CNTROB: variants seen among roughly 807,000 people sequenced by gnomAD.
CNTROB encodes the protein centrobin.
Under a neutral mutation model 115.7 loss-of-function variants are expected in CNTROB, and 82 were observed. That is an observed-to-expected ratio of 0.71 (90% confidence interval 0.59 to 0.85). The LOEUF (loss-of-function observed/expected upper bound fraction) is 0.85. CNTROB is among the 40% of genes least tolerant of loss of function. CNTROB has a pLI of 0.00. For missense variants in CNTROB, 1,014 were observed against 1,144.4 expected (o/e 0.89, Z 1.64); for synonymous variants, 439 against 456.4 (o/e 0.96, Z 0.49).
At position 7,933,083 on chromosome 17, in the gene CNTROB, G is replaced by A; in HGVS notation, c.4G>A (p.Ala2Thr). 4.3e-6 allele frequency: 7 copies of A among 1,613,558 alleles called. No homozygotes were observed. The highest frequency in any genetic ancestry group is 5.9e-6 in the Non-Finnish European group (7 of 1,179,798). ...CGGTTGTCTCTTCCCTGTATTCATG[G>A]CAACATCAGCTGACAGCCCCAGTTC... M[A>T]TSADSPSSPL... Residue 2 changes from alanine to threonine, a missense_variant, in exon 1 of 19, where the codon GCA becomes ACA. Transcript: ENST00000563694.
At chr17:7,934,341 C>G in intron 2 of CNTROB, 119 bp downstream of exon 2, 6 of 1,350,222 alleles carry the variant, frequency 4.4e-6, no homozygotes, top group Non-Finnish European at 6.4e-6. Flanking sequence ...AGAAAAGTCT[C>G]CCGTTCTTTG....
Position 7,936,769 on chromosome 17 carries a change from T to A in CNTROB, c.780T>A (p.Leu260=), listed in dbSNP as rs375449180. Residue 260 remains leucine (L), a synonymous_variant, in exon 6 of 19, where the codon CTT becomes CTA. Coordinates refer to ENST00000563694, the MANE Select transcript of CNTROB (RefSeq NM_053051.5). ...EAERTEVLRG[L]QEEHQAAELT... ...AGCGGACAGAGGTTCTCAGGGGACT[T>A]CAAGAGGAACACCAGGCAGCAGAGC... 2 of 1,565,152 alleles carry A rather than the reference T, an allele frequency of 1.3e-6. No homozygotes were observed. The highest frequency in any genetic ancestry group is 1.8e-6 in the Non-Finnish European group (2 of 1,135,224).
At position 7,948,240 on chromosome 17, in the gene CNTROB, G is replaced by C; in HGVS notation, c.2293G>C (p.Ala765Pro). ...TGTCCACAAAACCAAAGTTCCCTTAGCCATGGCATCCAGTCTTTTCCGGGT... is the reference window on the plus strand; with the variant it reads ...TGTCCACAAAACCAAAGTTCCCTTACCCATGGCATCCAGTCTTTTCCGGGT... ...PPVHKTKVPL[A>P]MASSLFRVPE... Residue 765 changes from alanine to proline, a missense_variant, in exon 16 of 19, where the codon GCC becomes CCC. Physicochemically the swap from Ala to Pro is conservative, Grantham distance 27 (BLOSUM62 -1). Transcript: ENST00000563694. The surrounding 1 kb of genome is among the most constrained non-coding windows in gnomAD (Gnocchi z 4.4). The C allele has an allele frequency of 2.1e-5, 34 of 1,614,090 alleles. No homozygotes were observed. The highest frequency in any genetic ancestry group is 2.8e-5 in the Non-Finnish European group (33 of 1,180,036).
chr17:7,947,034 A>G (rs1167935792), intron 13 of CNTROB, among the ~76,000 whole-genome samples: 3 of 151,910 alleles, frequency 2.0e-5, no homozygotes, highest in East Asian at 1.9e-4. Context: ...GGTGGCAGGC[A>G]TCTGTAGTCC....
chr17:7,949,251 AC>A (rs1336566144), intron 18 of CNTROB, 94 bp downstream of exon 18: 3 of 1,565,858 alleles, frequency 1.9e-6, no homozygotes, highest in African/African-American at 1.4e-5. Context: ...CCTCCATTCC[AC>A]CCCTGCATTC....
chr17:7,943,493 C>T lies in CNTROB; in HGVS notation c.1414C>T (p.Arg472Trp), dbSNP rs372614861. The change falls in exon 10 of 19, where the codon CGG (arginine) becomes TGG (tryptophan). Residue 472 changes from arginine to tryptophan, a missense_variant. Coordinates refer to ENST00000563694, the MANE Select transcript of CNTROB (RefSeq NM_053051.5). The surrounding 1 kb of genome is among the most constrained non-coding windows in gnomAD (Gnocchi z 4.7). ...RLAQAQESSL[R>W]QAASLREHHR... ...GGCGCAGGCTCAGGAGAGCAGCCTA[C>T]GGCAAGCAGCCTCCCTCAGGGAACA... 43 of 1,613,414 alleles carry T rather than the reference C, an allele frequency of 2.7e-5. No homozygotes were observed. Among genetic ancestry groups the T allele is most frequent in the Middle Eastern group, 1.7e-4 (1 of 6,006 alleles).
Position 7,944,105 on chromosome 17 carries a change from C to T in CNTROB, c.1446-18C>T, listed in dbSNP as rs774211317. 6 of 1,600,728 alleles carry T rather than the reference C, an allele frequency of 3.7e-6. No homozygotes were observed. In the South Asian group the frequency reaches 5.5e-5, roughly 15 times the overall value. On this transcript the variant is annotated intron_variant, in intron 10 of 18. Transcript: ENST00000563694. The surrounding 1 kb of genome is among the most constrained non-coding windows in gnomAD (Gnocchi z 4.0). ...CTGTCTCCAGTCTCAGGCCTCTTCT[C>T]CTACCTGTGCCCTGTAGGAAGCAGC...
Position 7,943,578 on chromosome 17 carries a change from T to C in CNTROB, c.1445+54T>C, listed in dbSNP as rs1974171611. ...TCTCAGCCACAGCACGTATCGTTAG[T>C]GCCAGGCCTGTGTTCCCTTCAATCC... On this transcript the variant is annotated intron_variant, in intron 10 of 18. Transcript: ENST00000563694. The surrounding 1 kb of genome is among the most constrained non-coding windows in gnomAD (Gnocchi z 4.7). 6.4e-7 allele frequency: 1 copy of C among 1,564,962 alleles called. No individual in the cohort carries two copies. The highest frequency in any genetic ancestry group is 1.3e-5 in the African/African-American group (1 of 74,210).
At position 7,934,983 on chromosome 17, in the gene CNTROB, G is replaced by A; in HGVS notation, c.438-6G>A. On this transcript the variant is annotated splice_polypyrimidine_tract_variant and splice_region_variant and intron_variant, in intron 3 of 18. Transcript: ENST00000563694. ...AGCCCTAACATTCTCTACCTGATTTGCTCAGCACCCGGCCCCTGCAAGACT... is the reference window on the plus strand; with the variant it reads ...AGCCCTAACATTCTCTACCTGATTTACTCAGCACCCGGCCCCTGCAAGACT... 1.3e-6 allele frequency: 2 copies of A among 1,574,594 alleles called. No individual in the cohort carries two copies. Among genetic ancestry groups the A allele is most frequent in the Non-Finnish European group, 1.7e-6 (2 of 1,160,724 alleles).
chr17:7,936,229 C>T (rs1163370589), intron 4 of CNTROB, 137 bp from the exon 5 acceptor site: 1 of 669,482 alleles, frequency 1.5e-6, no homozygotes, highest in Non-Finnish European at 2.7e-6. Flanking sequence ...CCTGATTCTC[C>T]CTCTCCAGAC....
intron 6 of CNTROB, 46 bp downstream of exon 6, chr17:7,936,863 T>C: frequency 1.2e-6 from 1 of 863,460 alleles, no homozygotes; most frequent in Non-Finnish European, 2.0e-6. Context: ...GTCACAGATC[T>C]CAAGATGGAA....
chr17:7,949,230 C>T, intron 18 of CNTROB, 73 bp downstream of exon 18: 2 of 1,563,914 alleles, frequency 1.3e-6, no homozygotes, highest in Non-Finnish European at 1.8e-6. Flanking sequence ...TCTGCACACT[C>T]CTGGCTGGCC....
intron 5 of CNTROB, 37 bp downstream of exon 5, chr17:7,936,519 G>T: frequency 1.2e-6 from 1 of 852,416 alleles, no homozygotes; most frequent in East Asian, 2.4e-5. Flanking sequence ...GTCTCTCCAT[G>T]AAGAGCATTA....
rs1444937768 is a variant in CNTROB, at chr17:7,932,268, G to A, written c.-812G>A. The A allele has an allele frequency of 2.5e-5, 5 of 202,420 alleles. No homozygotes were observed. The East Asian group carries it at 5.3e-4, about 22-fold the overall frequency. 12.5% of individuals were successfully genotyped at this position (202,420 alleles called of 1,614,324 possible). ...GGGGAGGCGTGAGAGGGGGATCTCAGGGGAGGAGGTCAATCGCTTGCCCCC... is the reference window on the plus strand; with the variant it reads ...GGGGAGGCGTGAGAGGGGGATCTCAAGGGAGGAGGTCAATCGCTTGCCCCC... On this transcript the variant is annotated 5_prime_UTR_variant, in exon 1 of 19. Transcript: ENST00000563694.
In CNTROB at chr17:7,943,886, A is replaced by C. The variant is rs7209704; in HGVS notation, c.1446-237A>C. On this transcript the variant is annotated intron_variant, in intron 10 of 18. Coordinates refer to ENST00000563694, the MANE Select transcript of CNTROB (RefSeq NM_053051.5). The surrounding 1 kb of genome is among the most constrained non-coding windows in gnomAD (Gnocchi z 4.7). ...GCAGCCTGGCCTCACTTCTCCTCAC[A>C]CCCATTCTGCTGCCGAGATTTTCTG... Among the ~76,000 whole-genome samples, 75,596 of 151,878 alleles carry C rather than the reference A, an allele frequency of 0.5. 19,344 individuals are homozygous for C. Among genetic ancestry groups the C allele is most frequent in the East Asian group, 0.76 (3,929 of 5,168 alleles).
Position 7,944,306 on chromosome 17 carries a change from CA to C in CNTROB, c.1571+61del. 6.3e-7 allele frequency: 1 copy of C among 1,590,696 alleles called. No homozygotes were observed. Among genetic ancestry groups the C allele is most frequent in the Non-Finnish European group, 8.6e-7 (1 of 1,158,770 alleles). On this transcript the variant is annotated intron_variant, in intron 11 of 18. Coordinates refer to ENST00000563694, the MANE Select transcript of CNTROB (RefSeq NM_053051.5). This position sits in a 1 kb window ranked among gnomAD's most constrained non-coding sequence, Gnocchi z 4.0. ...CAGCCCCTTTCCCATGGGTAGAGCC[CA>C]AACTGGGAACGGTGAAGAGCTGCTC...
Position 7,943,306 on chromosome 17 carries a change from T to C in CNTROB, c.1312-85T>C. 1.0e-6 allele frequency: 1 copy of C among 963,096 alleles called. No homozygotes were observed. Among genetic ancestry groups the C allele is most frequent in the Non-Finnish European group, 1.6e-6 (1 of 641,242 alleles). 59.7% of individuals were successfully genotyped at this position (963,096 alleles called of 1,614,324 possible). A position where few individuals can be genotyped will look rare whatever the true frequency, so the allele number is the denominator to read the frequency against. On this transcript the variant is annotated intron_variant, in intron 9 of 18. Transcript: ENST00000563694. This position sits in a 1 kb window ranked among gnomAD's most constrained non-coding sequence, Gnocchi z 4.7. ...TCATCTCATATGAGGGGAAAGTTGG[T>C]ACTGGATTTTGTCTACATTATATCC...
intron 13 of CNTROB, among the ~76,000 whole-genome samples, chr17:7,947,307 G>A (rs928357316): frequency 2.0e-5 from 3 of 152,152 alleles, no homozygotes; most frequent in Non-Finnish European, 4.4e-5. Flanking sequence ...GTTTGTGAGG[G>A]TATTTATTTG....
In CNTROB at chr17:7,948,168, G is replaced by C; in HGVS notation, c.2221G>C (p.Val741Leu). 6.2e-7 allele frequency: 1 copy of C among 1,614,108 alleles called. No individual in the cohort carries two copies. Among genetic ancestry groups the C allele is most frequent in the Non-Finnish European group, 8.5e-7 (1 of 1,180,036 alleles). The change falls in exon 16 of 19, where the codon GTC becomes CTC. Residue 741 changes from valine to leucine, a missense_variant. Coordinates refer to ENST00000563694, the MANE Select transcript of CNTROB (RefSeq NM_053051.5). This position sits in a 1 kb window ranked among gnomAD's most constrained non-coding sequence, Gnocchi z 4.4. ...TTTCCTTTTGCTAGGTCCTCTGACT[G>C]TCCCATCTTGGGAGGAAGCCCCTCA... ...LLPPKSGPLTVPSWEEAPQVP... is the reference protein window; with the variant it reads ...LLPPKSGPLTLPSWEEAPQVP...
Sources: gnomAD v4.1 joint callset for allele counts (sites outside exome capture counted in the v4.1 genomes callset) on GRCh38, gnomAD v4.1.1 for gene constraint, Gnocchi (gnomAD v3.1) non-coding constraint, MANE v1.5 for transcripts, NCBI Gene and HGNC (gene_info 2026-07-23, HGNC 2026-07-21) for gene names.